Variants in KANK1 observed in about 807,000 individuals in gnomAD.
KANK1 encodes KN motif and ankyrin repeat domains 1, also known as KN motif and ankyrin repeat domain-containing protein 1.
KANK1 carries 109 observed loss-of-function variants against 106.2 expected under a neutral mutation model. The observed-to-expected ratio is 1.03, with a 90% CI of 0.88 to 1.20. The LOEUF (loss-of-function observed/expected upper bound fraction) is 1.20, where lower values mean the gene tolerates loss of function less well. Among genes scored for constraint, KANK1 ranks in the 50% most tolerant of loss-of-function variants. The pLI, the probability that KANK1 is intolerant of heterozygous loss-of-function variation, is 0.00. For synonymous variants in KANK1, 873 were observed against 652.2 expected (o/e 1.34, Z -5.16); for missense variants, 2,399 against 1,710.7 (o/e 1.40, Z -7.10).
At chr9:482,262 T>C (rs575305131) in intron 3 of KANK1, among the ~76,000 whole-genome samples, 2 of 152,304 alleles carry the variant, frequency 1.3e-5, no homozygotes, top group East Asian at 1.9e-4. Flanking sequence ...AGCAAATTAA[T>C]TGAATTTTCA....
At chr9:628,743 A>G (rs1834960592) in intron 1 of KANK1, among the ~76,000 whole-genome samples, 1 of 151,998 alleles carries the variant, frequency 6.6e-6, no homozygotes, top group Non-Finnish European at 1.5e-5. Flanking sequence ...CTTTGTGGCC[A>G]TTTGGTTCCC....
chr9:650,224 T>A lies in KANK1; in HGVS notation c.-83-26666T>A, dbSNP rs369438935. ...AATACATAAATCTACCTTTCTCTGT[T>A]GGCAGCTGTATTGGAGTTTGGGATT... On this transcript the variant is annotated intron_variant, in intron 1 of 11. Coordinates refer to ENST00000382297, the MANE Select transcript of KANK1 (RefSeq NM_015158.5). Among the ~76,000 whole-genome samples, 11 of 152,214 alleles carry A rather than the reference T, an allele frequency of 7.2e-5. 1 individual carries two copies. In the East Asian group the frequency reaches 2.1e-3, roughly 29 times the overall value.
intron 1 of KANK1, among the ~76,000 whole-genome samples, chr9:557,070 T>C (rs373930000): frequency 6.6e-6 from 1 of 151,886 alleles, no homozygotes; most frequent in Non-Finnish European, 1.5e-5. Flanking sequence ...GCAATCCTAG[T>C]ACTTTGAGAG....
chr9:717,802 A>G (rs1828124451), intron 3 of KANK1, among the ~76,000 whole-genome samples: 1 of 152,190 alleles, frequency 6.6e-6, no homozygotes, highest in Admixed American at 6.5e-5. Flanking sequence ...AGAAAATTCC[A>G]GATAAATGAC....
chr9:505,168 C>T (rs1347035345), intron 1 of KANK1, among the ~76,000 whole-genome samples: 5 of 152,144 alleles, frequency 3.3e-5, no homozygotes, highest in Non-Finnish European at 7.4e-5. Context: ...CTGGGCCCTT[C>T]CCTAGCCCGG....
At chr9:562,565 T>C (rs1816779327) in intron 1 of KANK1, among the ~76,000 whole-genome samples, 2 of 152,328 alleles carry the variant, frequency 1.3e-5, no homozygotes, top group Middle Eastern at 3.4e-3. Flanking sequence ...GCTTCACTGC[T>C]TGAGTAAGCC....
At chr9:715,381 G>A (rs1827404518) in intron 3 of KANK1, among the ~76,000 whole-genome samples, 1 of 152,024 alleles carries the variant, frequency 6.6e-6, no homozygotes, top group African/African-American at 2.4e-5. Flanking sequence ...TGGCACAGTG[G>A]ATCATCCATT....
At chr9:605,127 C>A (rs1233537990) in intron 1 of KANK1, among the ~76,000 whole-genome samples, 2 of 151,400 alleles carry the variant, frequency 1.3e-5, no homozygotes, top group Admixed American at 1.3e-4. Flanking sequence ...CATGATGAAA[C>A]CTGTCTCTAC....
intron 1 of KANK1, among the ~76,000 whole-genome samples, chr9:506,439 A>T (rs1359668290): frequency 6.6e-6 from 1 of 152,162 alleles, no homozygotes; most frequent in African/African-American, 2.4e-5. Flanking sequence ...TTATCCCCTT[A>T]GGGCACAGGG....
intron 1 of KANK1, among the ~76,000 whole-genome samples, chr9:548,210 A>G (rs1464937173): frequency 2.0e-5 from 3 of 152,236 alleles, no homozygotes; most frequent in Non-Finnish European, 4.4e-5. Flanking sequence ...AAACCTTAGT[A>G]TCAGCAGTCA....
At chr9:519,105 G>C (rs1010480300) in intron 1 of KANK1, among the ~76,000 whole-genome samples, 6 of 151,572 alleles carry the variant, frequency 4.0e-5, no homozygotes, top group Admixed American at 1.3e-4. Flanking sequence ...GGTCAGGCTG[G>C]TCTCAAACTC....
At chr9:589,445 C>G (rs769642484) in intron 1 of KANK1, among the ~76,000 whole-genome samples, 2 of 152,032 alleles carry the variant, frequency 1.3e-5, no homozygotes, top group Non-Finnish European at 2.9e-5. Context: ...GAGGATGCCA[C>G]TGGGAGGAGG....
Position 637,314 on chromosome 9 carries a change from C to G in KANK1, c.-83-39576C>G, listed in dbSNP as rs563746019. 5.3e-5 allele frequency among the ~76,000 whole-genome samples: 8 copies of G among 152,268 alleles called. No individual in the cohort carries two copies. In the South Asian group the frequency reaches 6.2e-4, roughly 12 times the overall value. ...AATGTTCATTTTTTCTCTGGCCTTT[C>G]ATCATCTGTGACAGTACTTTGTTTA... On this transcript the variant is annotated intron_variant, in intron 1 of 11. Transcript: ENST00000382297.
At chr9:605,318 AAAT>A (rs1828824843) in intron 1 of KANK1, among the ~76,000 whole-genome samples, 5 of 151,500 alleles carry the variant, frequency 3.3e-5, no homozygotes, top group Admixed American at 3.3e-4. Context: ...AAAAAAAAAA[AAAT>A]CTAATACTAG....
intron 1 of KANK1, among the ~76,000 whole-genome samples, chr9:541,854 T>C (rs1399814505): frequency 1.5e-4 from 22 of 143,294 alleles, no homozygotes; most frequent in African/African-American, 3.9e-4. Flanking sequence ...CTTTGGGAGG[T>C]CGAGGCGGGC....
At position 599,826 on chromosome 9, in the gene KANK1, G is replaced by T. The variant is rs540346155; in HGVS notation, c.-83-77064G>T. On this transcript the variant is annotated intron_variant, in intron 1 of 11. Transcript: ENST00000382297. ...GTATGTGAGGATTTGGGTATTTGCA[G>T]GCAGTCATGGAACCAGTCCTCCTTG... is the stretch of plus-strand genomic sequence containing the variant. Among the ~76,000 whole-genome samples the T allele has an allele frequency of 8.6e-5, 13 of 151,908 alleles. No homozygotes were observed. The East Asian group carries it at 2.3e-3, about 27-fold the overall frequency.
intron 1 of KANK1, among the ~76,000 whole-genome samples, chr9:538,047 T>C (rs76596833): frequency 1.3e-5 from 2 of 152,112 alleles, no homozygotes; most frequent in Admixed American, 6.6e-5. Context: ...CTTTTTTTTT[T>C]CTGTCTTGGA....
Position 687,171 on chromosome 9 carries a change from G to A in KANK1, c.37+10162G>A, listed in dbSNP as rs570839318. On this transcript the variant is annotated intron_variant, in intron 2 of 11. Coordinates refer to ENST00000382297, the MANE Select transcript of KANK1 (RefSeq NM_015158.5). The stretch of plus-strand genomic sequence containing the variant: ...TGGCTCACTTTTAAATGACCATACA[G>A]ATGTATTTGGCAGAATACATCTTTG... 2.0e-5 allele frequency among the ~76,000 whole-genome samples: 3 copies of A among 152,236 alleles called. No individual in the cohort carries two copies. The East Asian group carries it at 5.8e-4, about 29-fold the overall frequency.
chr9:521,042 C>T (rs1262634931), intron 1 of KANK1, among the ~76,000 whole-genome samples: 1 of 151,736 alleles, frequency 6.6e-6, no homozygotes, highest in Non-Finnish European at 1.5e-5. Context: ...CCTCATCAGT[C>T]TGTCTTGGTA....
Sources: gnomAD v4.1 joint callset for allele counts (sites outside exome capture counted in the v4.1 genomes callset) on GRCh38, gnomAD v4.1.1 for gene constraint, MANE v1.5 for transcripts, NCBI Gene and HGNC (gene_info 2026-07-23, HGNC 2026-07-21) for gene names.